The following DNAH14 variants were observed in gnomAD, a reference collection of about 807,000 sequenced individuals.
DNAH14 encodes axonemal beta dynein heavy chain 14.
A neutral mutation model predicts 520.9 loss-of-function variants in DNAH14; 478 were observed. That is an observed-to-expected ratio of 0.92 (90% CI 0.85 to 0.99). The LOEUF is 0.99. Among genes scored for constraint, DNAH14 ranks in the 50% least tolerant of loss-of-function variants. DNAH14 has a pLI of 0.00. For synonymous variants in DNAH14, 1,581 were observed against 1,757.2 expected, an observed-to-expected ratio of 0.90 and a Z score of 2.51; for missense variants, 4,831 against 5,234.5, an observed-to-expected ratio of 0.92 and a Z score of 2.38.
chr1:225,318,559 T>G (rs2094505801), intron 60 of DNAH14, 24 bp from the exon 61 acceptor site: 2 of 1,532,670 alleles, frequency 1.3e-6, no homozygotes, highest in African/African-American at 2.8e-5. Flanking sequence ...CATATGTGTT[T>G]GGGGACCTAT....
chr1:225,378,470 T>A (rs1434273459), intron 79 of DNAH14, among the ~76,000 whole-genome samples: 1 of 152,218 alleles, frequency 6.6e-6, no homozygotes, highest in Non-Finnish European at 1.5e-5. Context: ...CCTCAGGCGA[T>A]CTGTAAACTG....
intron 17 of DNAH14, among the ~76,000 whole-genome samples, chr1:225,061,878 A>T (rs964501574): frequency 6.6e-6 from 1 of 152,200 alleles, no homozygotes; most frequent in Admixed American, 6.5e-5. Flanking sequence ...CAGGAATGAG[A>T]ATGTAATGTT....
chr1:224,990,283 A>G (rs1299936501), intron 8 of DNAH14, among the ~76,000 whole-genome samples: 2 of 152,222 alleles, frequency 1.3e-5, no homozygotes, highest in East Asian at 3.8e-4. Context: ...GCTAGTTAAC[A>G]TATTTATCAC....
At chr1:225,337,196 G>C (rs1378870092) in intron 66 of DNAH14, 70 bp from the exon 67 acceptor site, 19 of 1,240,770 alleles carry the variant, frequency 1.5e-5, no homozygotes, top group Non-Finnish European at 1.9e-5. Context: ...GGATCTTTTA[G>C]TACCCTGTAG....
chr1:225,012,871 A>C (rs2064904707), intron 10 of DNAH14, among the ~76,000 whole-genome samples: 1 of 152,078 alleles, frequency 6.6e-6, no homozygotes, highest in Admixed American at 6.6e-5. Context: ...CCAGCCTTTT[A>C]TCAAGGTTCT....
At chr1:224,984,583 A>G (rs1316309557) in intron 8 of DNAH14, among the ~76,000 whole-genome samples, 2 of 152,244 alleles carry the variant, frequency 1.3e-5, no homozygotes, top group Admixed American at 6.5e-5. Flanking sequence ...TGCAAAAGGA[A>G]TAGTCAGCAG....
intron 21 of DNAH14, among the ~76,000 whole-genome samples, chr1:225,093,227 T>C (rs911345288): frequency 2.0e-5 from 3 of 151,922 alleles, no homozygotes; most frequent in African/African-American, 7.2e-5. Flanking sequence ...TTGACAAACA[T>C]GCACATAAAA....
intron 8 of DNAH14, among the ~76,000 whole-genome samples, chr1:224,978,227 A>G (rs889643216): frequency 6.6e-6 from 1 of 152,230 alleles, no homozygotes; most frequent in African/African-American, 2.4e-5. Flanking sequence ...TTACTGCAGC[A>G]CTGTTCACAA....
At position 225,389,143 on chromosome 1, in the gene DNAH14, G is replaced by T. The variant is rs539395418; in HGVS notation, c.13191-591G>T. On this transcript the variant is annotated intron_variant, in intron 82 of 85. Transcript: ENST00000682510. ...AGCAACATCTAGCAAGTGCCTCACA[G>T]GATGTGGAGCATTTCTCTAGGAGCT... Among the ~76,000 whole-genome samples, 41 of 152,334 alleles carry T rather than the reference G, an allele frequency of 2.7e-4. No individual in the cohort carries two copies. The South Asian group carries it at 2.7e-3, about 10-fold the overall frequency.
intron 23 of DNAH14, among the ~76,000 whole-genome samples, chr1:225,106,884 A>G (rs2076102967): frequency 6.6e-6 from 1 of 152,150 alleles, no homozygotes; most frequent in Non-Finnish European, 1.5e-5. Flanking sequence ...TCAACTCGTC[A>G]AAGTCATTCT....
chr1:225,210,120 C>T (rs1053732981), intron 41 of DNAH14, among the ~76,000 whole-genome samples: 4 of 151,928 alleles, frequency 2.6e-5, no homozygotes, highest in Non-Finnish European at 4.4e-5. Flanking sequence ...TCTTCGTACC[C>T]CAGTGGGGTA....
intron 36 of DNAH14, among the ~76,000 whole-genome samples, chr1:225,171,976 A>G (rs1268707922): frequency 6.6e-6 from 1 of 152,206 alleles, no homozygotes; most frequent in African/African-American, 2.4e-5. Flanking sequence ...ACAAATCAAT[A>G]AACATAATCC....
At chr1:225,230,714 C>T (rs949722585) in intron 41 of DNAH14, among the ~76,000 whole-genome samples, 4 of 151,402 alleles carry the variant, frequency 2.6e-5, no homozygotes, top group African/African-American at 7.3e-5. Context: ...TTATGAGGGC[C>T]GATTTATTGT....
intron 41 of DNAH14, among the ~76,000 whole-genome samples, chr1:225,224,582 ACT>A (rs761247313): frequency 3.3e-5 from 5 of 152,048 alleles, no homozygotes; most frequent in Non-Finnish European, 7.4e-5. Flanking sequence ...TTCAGATAGC[ACT>A]CTCTGATTAT....
At position 225,340,695 on chromosome 1, in the gene DNAH14, G is replaced by T. The variant is rs1226200619; in HGVS notation, c.10672G>T (p.Ala3558Ser). 1.9e-5 allele frequency: 29 copies of T among 1,550,892 alleles called. No individual in the cohort carries two copies. The highest frequency in any genetic ancestry group is 2.7e-5 in the African/African-American group (2 of 72,994). The change falls in exon 69 of 86, where the codon GCA becomes TCA. Residue 3558 changes from alanine (A) to serine (S), a missense_variant. Transcript: ENST00000682510. ...EEKTLNLLQK[A>S]LGSILDDDKI... ...AAAAACATTAAATTTACTGCAGAAAGCACTAGGTAAGTCAAGATATTTAGT... is the reference window on the plus strand; with the variant it reads ...AAAAACATTAAATTTACTGCAGAAATCACTAGGTAAGTCAAGATATTTAGT...
At chr1:224,976,031 C>T (rs199526191) in intron 8 of DNAH14, among the ~76,000 whole-genome samples, 111 of 151,592 alleles carry the variant, frequency 7.3e-4, no homozygotes, top group Admixed American at 9.9e-4. Context: ...TGTAGTTGAG[C>T]GGTTTTGAGT....
At chr1:225,102,962 G>C (rs943938119) in intron 23 of DNAH14, among the ~76,000 whole-genome samples, 7 of 151,998 alleles carry the variant, frequency 4.6e-5, no homozygotes, top group Admixed American at 2.0e-4. Context: ...GAAGTCCTTG[G>C]CCATGCCTAT....
At chr1:225,219,022 A>G (rs1046148059) in intron 41 of DNAH14, among the ~76,000 whole-genome samples, 1 of 150,988 alleles carries the variant, frequency 6.6e-6, no homozygotes, top group East Asian at 1.9e-4. Flanking sequence ...ACACAACTAC[A>G]TGGAAACTGA....
At chr1:225,075,650 A>G (rs1413155446) in intron 17 of DNAH14, among the ~76,000 whole-genome samples, 2 of 152,088 alleles carry the variant, frequency 1.3e-5, no homozygotes, top group African/African-American at 4.8e-5. Flanking sequence ...TATTGAGTCC[A>G]GGAGTTCAGA....
Sources: gnomAD v4.1 joint callset for allele counts (sites outside exome capture counted in the v4.1 genomes callset) on GRCh38, gnomAD v4.1.1 for gene constraint, MANE v1.5 for transcripts, NCBI Gene and HGNC (gene_info 2026-07-23, HGNC 2026-07-21) for gene names.